The following PKP1 variants were observed in gnomAD, a reference collection of about 807,000 sequenced individuals.
PKP1 encodes the protein plakophilin-1.
Under a neutral mutation model 76.4 loss-of-function variants are expected in PKP1, and 27 were observed. The observed-to-expected ratio is 0.35, with a 90% CI of 0.26 to 0.49. The LOEUF is 0.49. Ranked by LOEUF, PKP1 falls within the 20% of genes least tolerant of loss-of-function variation. The pLI is 0.99. For synonymous variants in PKP1, 404 were observed against 384.2 expected (o/e 1.05, Z -0.60); for missense variants, 964 against 955.2 (o/e 1.01, Z -0.12).
chr1:201,330,842 G>A lies in PKP1; in HGVS notation c.*801G>A, dbSNP rs1260137026. 2.0e-5 allele frequency: 3 copies of A among 152,308 alleles called. No individual in the cohort carries two copies. Among genetic ancestry groups the A allele is most frequent in the Admixed American group, 2.0e-4 (3 of 15,288 alleles). The allele number at this position is 152,308 out of a possible 1,614,324, so 9.4% of individuals were successfully genotyped here. A position where few individuals can be genotyped will look rare whatever the true frequency, so the allele number is the denominator to read the frequency against. On this transcript the variant is annotated 3_prime_UTR_variant, in exon 14 of 14. Transcript: ENST00000367324. The stretch of plus-strand genomic sequence containing the variant: ...AGGCCTGCTCAGAGGAGTAGGAGCT[G>A]AAAGATGGTGCCTTCCACCCTCTTG...
chr1:201,325,726 C>G, intron 11 of PKP1, 28 bp from the exon 12 acceptor site: 3 of 1,572,564 alleles, frequency 1.9e-6, no homozygotes, highest in Non-Finnish European at 2.6e-6. Flanking sequence ...GGAATCTCAT[C>G]TCACAAATGC....
chr1:201,292,615 C>A (rs1440326875), intron 1 of PKP1, among the ~76,000 whole-genome samples: 1 of 152,220 alleles, frequency 6.6e-6, no homozygotes, highest in African/African-American at 2.4e-5. Context: ...GCCCTGCTCC[C>A]CCAGGCAATG....
At chr1:201,314,902 C>A (rs1478831468) in intron 3 of PKP1, among the ~76,000 whole-genome samples, 2 of 152,244 alleles carry the variant, frequency 1.3e-5, no homozygotes, top group Non-Finnish European at 2.9e-5. Context: ...CTCACACCCG[C>A]CACCAGGCAG....
rs1571557074 is a variant in PKP1, at chr1:201,316,694, A to G, written c.843A>G (p.Gln281=). 3.7e-6 allele frequency: 6 copies of G among 1,613,632 alleles called. No individual in the cohort carries two copies. In the East Asian group the frequency reaches 1.1e-4, roughly 30 times the overall value. The change falls in exon 4 of 14, where the codon CAA becomes CAG. Residue 281 remains glutamine (Q), a synonymous_variant. Transcript: ENST00000367324. ...GCTTCCAGGATGAATCTGCCAAGCA[A>G]CAGGTAGCTGGTTGCATACCTTCCT... ...HTCFQDESAK[Q]QVYQLGGICK...
intron 6 of PKP1, among the ~76,000 whole-genome samples, chr1:201,319,403 G>A (rs1656866107): frequency 6.6e-6 from 1 of 152,086 alleles, no homozygotes; most frequent in African/African-American, 2.4e-5. Context: ...TCCCTTTTAG[G>A]GTCTTTAATG....
At chr1:201,327,418 A>AAGGGTGG (rs769869363) in intron 12 of PKP1, among the ~76,000 whole-genome samples, 3 of 152,180 alleles carry the variant, frequency 2.0e-5, no homozygotes, top group African/African-American at 4.8e-5. Flanking sequence ...GGTCACAGCA[A>AAGGGTGG]AGGGTGGCCC....
In PKP1 at chr1:201,283,675, G is replaced by T. The variant is rs954408331; in HGVS notation, c.-28G>T. On this transcript the variant is annotated 5_prime_UTR_variant, in exon 1 of 14. Transcript: ENST00000367324. ...TCGCCTCTCTGCTCTCCTAGGCCCCGGCCGCGCGCCACCCGCCTCCCGCCA... is the reference window on the plus strand; with the variant it reads ...TCGCCTCTCTGCTCTCCTAGGCCCCTGCCGCGCGCCACCCGCCTCCCGCCA... The T allele has an allele frequency of 3.7e-6, 6 of 1,605,096 alleles. No individual in the cohort carries two copies. The African/African-American group carries it at 8.0e-5, about 22-fold the overall frequency.
chr1:201,286,106 C>T (rs948175621), intron 1 of PKP1, among the ~76,000 whole-genome samples: 1 of 152,214 alleles, frequency 6.6e-6, no homozygotes, highest in Non-Finnish European at 1.5e-5. Context: ...CCCCTATTTG[C>T]TCTGCGGCCA....
In PKP1 at chr1:201,318,807, G is replaced by A. The variant is rs1262736122; in HGVS notation, c.1232+12G>A. 2 of 1,582,010 alleles carry A rather than the reference G, an allele frequency of 1.3e-6. No homozygotes were observed. Among genetic ancestry groups the A allele is most frequent in the Non-Finnish European group, 1.7e-6 (2 of 1,163,718 alleles). ...ACAGGCTGCTTGAGGTGAGAGAAGAGGATACATGGGGTCTTTTTGTCCCAG... is the reference window on the plus strand; with the variant it reads ...ACAGGCTGCTTGAGGTGAGAGAAGAAGATACATGGGGTCTTTTTGTCCCAG... On this transcript the variant is annotated intron_variant, in intron 6 of 13. Coordinates refer to ENST00000367324, the MANE Select transcript of PKP1 (RefSeq NM_001005337.3).
intron 12 of PKP1, among the ~76,000 whole-genome samples, chr1:201,327,033 G>A (rs1657146189): frequency 6.6e-6 from 1 of 152,162 alleles, no homozygotes; most frequent in African/African-American, 2.4e-5. Flanking sequence ...AGTCTCTGGA[G>A]CCGTCCAGGA....
chr1:201,297,363 G>A (rs1656106111), intron 2 of PKP1, among the ~76,000 whole-genome samples: 2 of 152,158 alleles, frequency 1.3e-5, no homozygotes, highest in Non-Finnish European at 2.9e-5. Context: ...CAGACCTCAG[G>A]GAGAGGAAGC....
chr1:201,332,971 T>C lies in PKP1; in HGVS notation c.*2930T>C, dbSNP rs1295320140. 6.6e-6 allele frequency: 1 copy of C among 152,208 alleles called. No homozygotes were observed. Among genetic ancestry groups the C allele is most frequent in the Non-Finnish European group, 1.5e-5 (1 of 68,046 alleles). The allele number at this position is 152,208 out of a possible 1,614,324, so 9.4% of individuals were successfully genotyped here. The stretch of plus-strand genomic sequence containing the variant: ...TTTGGAAATAGAGAAAATCAATAAA[T>C]TGCTAGTGTTTCTTTGAACTTTTTC... On this transcript the variant is annotated 3_prime_UTR_variant, in exon 14 of 14. Coordinates refer to ENST00000367324, the MANE Select transcript of PKP1 (RefSeq NM_001005337.3).
chr1:201,285,619 A>G (rs1482574952), intron 1 of PKP1, among the ~76,000 whole-genome samples: 2 of 152,168 alleles, frequency 1.3e-5, no homozygotes, highest in African/African-American at 2.4e-5. Flanking sequence ...TCCTCTCTGC[A>G]CAAGACTTGG....
At chr1:201,326,009 C>G (rs1010959378) in intron 12 of PKP1, among the ~76,000 whole-genome samples, 171 bp downstream of exon 12, 8 of 152,150 alleles carry the variant, frequency 5.3e-5, no homozygotes, top group African/African-American at 1.4e-4. Flanking sequence ...ACGTTCTGAT[C>G]AAGTCTCTGG....
At chr1:201,284,088 C>CGCGACCCGAGGCTGGCTCGACG (rs367607060) in intron 1 of PKP1, among the ~76,000 whole-genome samples, 184 bp downstream of exon 1, 2,842 of 152,204 alleles carry the variant, frequency 0.019, 86 homozygotes, top group African/African-American at 0.064. Context: ...CTGGTGTAAA[C>CGCGACCCGAGGCTGGCTCGACG]GCGACCCGAG....
intron 1 of PKP1, among the ~76,000 whole-genome samples, chr1:201,289,712 A>G (rs907282883): frequency 2.4e-4 from 37 of 152,034 alleles, no homozygotes; most frequent in African/African-American, 8.7e-4. Flanking sequence ...ACACACACAC[A>G]CACACACACA....
intron 6 of PKP1, among the ~76,000 whole-genome samples, chr1:201,319,261 C>T (rs1329357224): frequency 2.0e-5 from 3 of 152,218 alleles, no homozygotes; most frequent in Non-Finnish European, 4.4e-5. Flanking sequence ...TGCCTAAGTT[C>T]CATACCAGGG....
At chr1:201,289,163 T>C (rs1333665132) in intron 1 of PKP1, among the ~76,000 whole-genome samples, 1 of 152,164 alleles carries the variant, frequency 6.6e-6, no homozygotes, top group African/African-American at 2.4e-5. Flanking sequence ...GCAGACACAG[T>C]CCACTCCTGC....
At position 201,320,322 on chromosome 1, in the gene PKP1, A is replaced by G. The variant is rs772152416; in HGVS notation, c.1288A>G (p.Ile430Val). The G allele has an allele frequency of 6.2e-7, 1 of 1,614,184 alleles. No homozygotes were observed. Among genetic ancestry groups the G allele is most frequent in the Non-Finnish European group, 8.5e-7 (1 of 1,180,012 alleles). The change falls in exon 7 of 14, where the codon ATT (isoleucine) becomes GTT (valine). Residue 430 changes from isoleucine (I) to valine (V), a missense_variant. Physicochemically the swap from Ile to Val is conservative, Grantham distance 29. Coordinates refer to ENST00000367324, the MANE Select transcript of PKP1 (RefSeq NM_001005337.3). Reference sequence around the variant, plus strand: ...GACCATGCGTAACTACTCAGGGCTCATTGATTCCCTCATGGCCTATGTCCA... The same window carrying G: ...GACCATGCGTAACTACTCAGGGCTCGTTGATTCCCTCATGGCCTATGTCCA... ...RQTMRNYSGL[I>V]DSLMAYVQNC...
Sources: allele counts gnomAD v4.1 joint callset (sites outside exome capture counted in the v4.1 genomes callset), GRCh38; gene constraint gnomAD v4.1.1; transcripts MANE v1.5; gene names NCBI Gene and HGNC (gene_info 2026-07-23, HGNC 2026-07-21).